Variants in RAB11FIP5 observed in about 807,000 individuals in gnomAD.
RAB11FIP5 encodes rab11 family-interacting protein 5.
RAB11FIP5 carries 48 observed loss-of-function variants against 85.1 expected under a neutral mutation model. The ratio of observed to expected loss-of-function variants is 0.56; its 90% CI spans 0.45 to 0.72. The LOEUF is 0.72. RAB11FIP5 is among the 30% of genes least tolerant of loss of function. The pLI, the probability that RAB11FIP5 is intolerant of heterozygous loss-of-function variation, is 0.00. For missense variants in RAB11FIP5, 1,491 were observed against 1,687.0 expected, an observed-to-expected ratio of 0.88 and a Z score of 2.04; for synonymous variants, 729 against 727.3, an observed-to-expected ratio of 1.00 and a Z score of -0.04.
At position 73,088,197 on chromosome 2, in the gene RAB11FIP5, C is replaced by T. The variant is rs1278376687; in HGVS notation, c.1421G>A (p.Arg474Gln). The change falls in exon 3 of 6, where the codon CGG (arginine) becomes CAG (glutamine). Residue 474 changes from arginine to glutamine, a missense_variant. Transcript: ENST00000486777. The stretch of plus-strand genomic sequence containing the variant: ...AGAGCTTCGGCGACCCAACTCGCTC[C>T]GACTTAGGCCTTGGTGGTGGTGGTG... ...LFHHHHQGLSRSELGRRSSLG... is the reference protein window; with the variant it reads ...LFHHHHQGLSQSELGRRSSLG... 2.5e-6 allele frequency: 4 copies of T among 1,613,844 alleles called. No individual in the cohort carries two copies. Among genetic ancestry groups the T allele is most frequent in the Middle Eastern group, 1.6e-4 (1 of 6,084 alleles).
intron 1 of RAB11FIP5, among the ~76,000 whole-genome samples, chr2:73,099,548 G>T (rs1481576271): frequency 6.6e-6 from 1 of 152,212 alleles, no homozygotes; most frequent in Non-Finnish European, 1.5e-5. Context: ...TTCCCACCCA[G>T]CTAAGGGAAC....
At chr2:73,095,690 C>T (rs939520315) in intron 1 of RAB11FIP5, among the ~76,000 whole-genome samples, 5 of 152,232 alleles carry the variant, frequency 3.3e-5, no homozygotes, top group African/African-American at 7.2e-5. Context: ...AGTAATGGAG[C>T]TGGAACTTGA....
chr2:73,081,039 G>T lies in RAB11FIP5; in HGVS notation c.2193C>A (p.Asn731Lys), dbSNP rs769016971. 2 of 1,232,524 alleles carry T rather than the reference G, an allele frequency of 1.6e-6. No individual in the cohort carries two copies. The highest frequency in any genetic ancestry group is 1.6e-5 in the African/African-American group (1 of 64,404). The allele number at this position is 1,232,524 out of a possible 1,614,324, so 76.3% of individuals were successfully genotyped here. The stretch of plus-strand genomic sequence containing the variant: ...GGTCAGCCGCGCTCGCGCTCTGGTG[G>T]TTCGGTCCCAAGTCCAGAGGAACCC... ...EPRVPLDLGP[N>K]HQSASAADPG... Residue 731 changes from asparagine (N) to lysine (K), a missense_variant, in exon 4 of 6, where the codon AAC becomes AAA. This residue lies in a region of RAB11FIP5 where 1,211 missense variants were observed against 1,338.0 expected (regional missense o/e 0.91). Coordinates refer to ENST00000486777, the MANE Select transcript of RAB11FIP5 (RefSeq NM_001371272.1). This position sits in a 1 kb window ranked among gnomAD's most constrained non-coding sequence, Gnocchi z 4.2.
In RAB11FIP5 at chr2:73,076,088, C is replaced by T; in HGVS notation, c.3676G>A (p.Gly1226Arg). The T allele has an allele frequency of 6.2e-7, 1 of 1,614,196 alleles. No individual in the cohort carries two copies. The highest frequency in any genetic ancestry group is 8.5e-7 in the Non-Finnish European group (1 of 1,179,986). ...GTGACTGTTTTGAGCTTCTCCAGCC[C>T]ACTGCTCAGGGCTATGCTCAGACTG... is the stretch of plus-strand genomic sequence containing the variant. ...RSSLSIALSSGLEKLKTVTSG... is the reference protein window; with the variant it reads ...RSSLSIALSSRLEKLKTVTSG... The change falls in exon 5 of 6, where the codon GGG becomes AGG. Residue 1226 changes from glycine (G) to arginine (R), a missense_variant. Transcript: ENST00000486777.
chr2:73,090,956 T>A (rs980242669), intron 1 of RAB11FIP5, among the ~76,000 whole-genome samples: 5 of 152,314 alleles, frequency 3.3e-5, no homozygotes, highest in African/African-American at 1.2e-4. Context: ...TGCAAGATGT[T>A]AACAGAAGAA....
chr2:73,098,893 T>G (rs1684376320), intron 1 of RAB11FIP5, among the ~76,000 whole-genome samples: 1 of 152,216 alleles, frequency 6.6e-6, no homozygotes. Context: ...ATTATTTTCC[T>G]ATCACATTTT....
At position 73,076,013 on chromosome 2, in the gene RAB11FIP5, C is replaced by T. The variant is rs757215050; in HGVS notation, c.3751G>A (p.Val1251Met). ...CTTACCTTCAGCCTTTTGGTGTCCA[C>T]CATCTGGCCAGCCTGGGGGGCCTGG... Reference protein sequence around the residue: ...VTQAPQAGQMVDTKRLKDSAV... With the variant: ...VTQAPQAGQMMDTKRLKDSAV... The change falls in exon 5 of 6, where the codon GTG (valine) becomes ATG (methionine). Residue 1251 changes from valine to methionine, a missense_variant. Coordinates refer to ENST00000486777, the MANE Select transcript of RAB11FIP5 (RefSeq NM_001371272.1). 2.1e-5 allele frequency: 34 copies of T among 1,613,572 alleles called. No individual in the cohort carries two copies. In the African/African-American group the frequency reaches 3.9e-4, roughly 18 times the overall value.
In RAB11FIP5 at chr2:73,088,138, A is replaced by G. The variant is rs1684125483; in HGVS notation, c.1480T>C (p.Ser494Pro). The G allele has an allele frequency of 6.2e-7, 1 of 1,613,938 alleles. No individual in the cohort carries two copies. The highest frequency in any genetic ancestry group is 1.7e-5 in the Admixed American group (1 of 60,010). Residue 494 changes from serine (S) to proline (P), a missense_variant, in exon 3 of 6, where the codon TCC (serine) becomes CCC (proline). Ser to Pro is a moderately conservative substitution (Grantham distance 74, BLOSUM62 -1). This residue lies in a region of RAB11FIP5 where 1,211 missense variants were observed against 1,338.0 expected (regional missense o/e 0.91). Coordinates refer to ENST00000486777, the MANE Select transcript of RAB11FIP5 (RefSeq NM_001371272.1). ...TCCCCACTGGATGAGTGATGTGGGG[A>G]GGCCCCCAGGATGGGACCCCCCTTT... ...GEKGGPILGA[S>P]PHHSSSGEEK...
Position 73,080,889 on chromosome 2 carries a change from C to A in RAB11FIP5, c.2343G>T (p.Pro781=), listed in dbSNP as rs777754399. 1.3e-5 allele frequency: 16 copies of A among 1,232,534 alleles called. No homozygotes were observed. Among genetic ancestry groups the A allele is most frequent in the Non-Finnish European group, 1.6e-5 (16 of 988,282 alleles). The allele number at this position is 1,232,534 out of a possible 1,614,324, so 76.3% of individuals were successfully genotyped here. ...PAPEVEAGQS[P]ADSGTSLFSS... is the part of the protein sequence containing the mutation. Reference sequence around the variant, plus strand: ...TAAATAGAGATGTCCCACTGTCTGCCGGACTCTGCCCTGCTTCCACTTCCG... The same window carrying A: ...TAAATAGAGATGTCCCACTGTCTGCAGGACTCTGCCCTGCTTCCACTTCCG... The change falls in exon 4 of 6, where the codon CCG becomes CCT. Residue 781 remains proline, a synonymous_variant. Transcript: ENST00000486777.
intron 1 of RAB11FIP5, among the ~76,000 whole-genome samples, chr2:73,104,307 G>A (rs1684483941): frequency 6.6e-6 from 1 of 152,136 alleles, no homozygotes; most frequent in South Asian, 2.1e-4. Flanking sequence ...GCCAGGTGTG[G>A]TGGCTCACAC....
In RAB11FIP5 at chr2:73,088,715, G is replaced by C; in HGVS notation, c.903C>G (p.Thr301=). ...CCTCATCGCTGTAGGTCCTCTTATGGGTGAACAGCTTGGGGGACTGTGCAG... is the reference window on the plus strand; with the variant it reads ...CCTCATCGCTGTAGGTCCTCTTATGCGTGAACAGCTTGGGGGACTGTGCAG... ...RDSAQSPKLF[T]HKRTYSDEAN... Residue 301 remains threonine, a synonymous_variant, in exon 3 of 6, where the codon ACC becomes ACG. Transcript: ENST00000486777. 2 of 1,610,096 alleles carry C rather than the reference G, an allele frequency of 1.2e-6. No homozygotes were observed. Among genetic ancestry groups the C allele is most frequent in the Non-Finnish European group, 8.5e-7 (1 of 1,178,620 alleles).
Position 73,112,900 on chromosome 2 carries a change from G to A in RAB11FIP5, c.-123C>T. 1 of 918,042 alleles carries A rather than the reference G, an allele frequency of 1.1e-6. No individual in the cohort carries two copies. Among genetic ancestry groups the A allele is most frequent in the Non-Finnish European group, 1.4e-6 (1 of 708,550 alleles). The allele number at this position is 918,042 out of a possible 1,614,324, so 56.9% of individuals were successfully genotyped here. ...TGAGCGCCGCCGCAGCTGCGGGCTG[G>A]GCTGGGCCGGGCCGACCGGCCGCCG... On this transcript the variant is annotated 5_prime_UTR_variant, in exon 1 of 6. Transcript: ENST00000486777.
At chr2:73,103,086 C>T (rs1208844772) in intron 1 of RAB11FIP5, among the ~76,000 whole-genome samples, 1 of 152,164 alleles carries the variant, frequency 6.6e-6, no homozygotes, top group East Asian at 1.9e-4. Context: ...GGGCCTCAAG[C>T]CAACCCCTGC....
Position 73,088,054 on chromosome 2 carries a change from G to T in RAB11FIP5, c.1564C>A (p.Pro522Thr). The T allele has an allele frequency of 6.3e-7, 1 of 1,590,484 alleles. No individual in the cohort carries two copies. The highest frequency in any genetic ancestry group is 8.6e-7 in the Non-Finnish European group (1 of 1,167,206). ...LREAKDPTQK[P>T]SLDVSPQVES... is the part of the protein sequence containing the mutation. ...TTGGTCTTGCCAACGACTTACCTGG[G>T]TTTCTGAGTCGGGTCCTTGGCTTCT... The change falls in exon 3 of 6, where the codon CCC becomes ACC. Residue 522 changes from proline to threonine, a missense_variant. Around this residue, in one of 3 missense-constraint regions of RAB11FIP5, gnomAD observed 1,211 missense variants for 1,338.0 expected, o/e 0.91. Transcript: ENST00000486777.
chr2:73,097,424 C>A (rs979954345), intron 1 of RAB11FIP5, among the ~76,000 whole-genome samples: 2 of 152,238 alleles, frequency 1.3e-5, no homozygotes, highest in African/African-American at 2.4e-5. Context: ...ATCAACATGA[C>A]AAAATGCTGC....
chr2:73,088,681 TCTGGTTGGCCTCATCG>T lies in RAB11FIP5; in HGVS notation c.921_936del (p.Ser307ArgfsTer95). 1.2e-6 allele frequency: 2 copies of T among 1,613,056 alleles called. No individual in the cohort carries two copies. Among genetic ancestry groups the T allele is most frequent in the Non-Finnish European group, 1.7e-6 (2 of 1,180,004 alleles). On this transcript the variant is annotated frameshift_variant, in exon 3 of 6. Transcript: ENST00000486777. LOFTEE classifies it high-confidence loss of function. ...AGGGCCCGAGGAGGAGCCACTCGCATCTGGTTGGCCTCATCGCTGTAGGTCCTCTTATGGGTGAACA... is the reference window on the plus strand; with the variant it reads ...AGGGCCCGAGGAGGAGCCACTCGCATCTGTAGGTCCTCTTATGGGTGAACA...
At chr2:73,091,363 G>A (rs1488363785) in intron 1 of RAB11FIP5, among the ~76,000 whole-genome samples, 8 of 152,112 alleles carry the variant, frequency 5.3e-5, no homozygotes, top group Non-Finnish European at 8.8e-5. Flanking sequence ...CCAGCCAATC[G>A]AGCATGAAGG....
chr2:73,089,434 C>A lies in RAB11FIP5; in HGVS notation c.432-119G>T. 1 of 1,028,150 alleles carries A rather than the reference C, an allele frequency of 9.7e-7. No homozygotes were observed. Among genetic ancestry groups the A allele is most frequent in the South Asian group, 1.3e-5 (1 of 79,010 alleles). The allele number at this position is 1,028,150 out of a possible 1,614,324, so 63.7% of individuals were successfully genotyped here. On this transcript the variant is annotated intron_variant, in intron 1 of 5. Transcript: ENST00000486777. The surrounding 1 kb of genome is among the most constrained non-coding windows in gnomAD (Gnocchi z 4.6). ...CTGAGAGCCACTGATAGCCTCTCCC[C>A]AAAGGCTCCTGCTCTGACCCATCGG...
intron 4 of RAB11FIP5, among the ~76,000 whole-genome samples, chr2:73,077,170 A>T (rs12104691): frequency 2.0e-5 from 3 of 151,956 alleles, no homozygotes; most frequent in Non-Finnish European, 4.4e-5. Flanking sequence ...TCAGGTGCAG[A>T]CTGGCTTGCT....
Sources: allele counts gnomAD v4.1 joint callset (sites outside exome capture counted in the v4.1 genomes callset), GRCh38; gene constraint gnomAD v4.1.1; regional missense constraint gnomAD v4.1.1; non-coding constraint Gnocchi (gnomAD v3.1); transcripts MANE v1.5; gene names NCBI Gene and HGNC (gene_info 2026-07-23, HGNC 2026-07-21).